SHB: variants seen among roughly 807,000 people sequenced by gnomAD.
SHB encodes SH2 domain containing adaptor protein B.
SHB carries 20 observed loss-of-function variants against 52.3 expected under a neutral mutation model. The ratio of observed to expected loss-of-function variants is 0.38; its 90% CI spans 0.27 to 0.56. SHB has a LOEUF of 0.56. Ranked by LOEUF, SHB falls within the 20% of genes least tolerant of loss-of-function variation. SHB has a pLI of 0.71. For missense variants in SHB, 825 were observed against 723.3 expected, an observed-to-expected ratio of 1.14 and a Z score of -1.61; for synonymous variants, 397 against 316.5, an observed-to-expected ratio of 1.25 and a Z score of -2.70.
At chr9:37,938,004 C>T (rs1832393394) in intron 5 of SHB, among the ~76,000 whole-genome samples, 1 of 152,168 alleles carries the variant, frequency 6.6e-6, no homozygotes, top group Non-Finnish European at 1.5e-5. Context: ...TGGGATTTTA[C>T]CACGTGAAGT....
intron 2 of SHB, among the ~76,000 whole-genome samples, chr9:38,001,200 C>T (rs1821009201): frequency 6.6e-6 from 1 of 152,184 alleles, no homozygotes; most frequent in South Asian, 2.1e-4. Context: ...CTGGCTTGCC[C>T]CTTTCTCCTC....
In SHB at chr9:37,951,032, C is replaced by T. The variant is rs138680875; in HGVS notation, c.1227-2278G>A. ...TCCTCAGAGAAAAACCCAAACCACC[C>T]GTCCCCATGCAATTCCTGCCACTCA... On this transcript the variant is annotated intron_variant, in intron 4 of 5. Coordinates refer to ENST00000377707, the MANE Select transcript of SHB (RefSeq NM_003028.3). Among the ~76,000 whole-genome samples, 29 of 152,304 alleles carry T rather than the reference C, an allele frequency of 1.9e-4. 1 individual carries two copies. In the East Asian group the frequency reaches 3.7e-3, roughly 19 times the overall value.
In SHB at chr9:38,068,598, G is replaced by A. The variant is rs773155236; in HGVS notation, c.48C>T (p.Thr16=). Reference sequence around the variant, plus strand: ...GCCGCGGCGGCTGCGGGGGGCTCTTGGTCTTGCTGTTGCCCAAGCTGAAGT... The same window carrying A: ...GCCGCGGCGGCTGCGGGGGGCTCTTAGTCTTGCTGTTGCCCAAGCTGAAGT... ...NKYFSLGNSK[T]KSPPQPPRPD... Residue 16 remains threonine, a synonymous_variant, in exon 1 of 6, where the codon ACC becomes ACT. Coordinates refer to ENST00000377707, the MANE Select transcript of SHB (RefSeq NM_003028.3). The A allele has an allele frequency of 8.7e-6, 13 of 1,493,590 alleles. No individual in the cohort carries two copies. The Admixed American group carries it at 1.2e-4, about 13-fold the overall frequency. The allele number at this position is 1,493,590 out of a possible 1,614,324, so 92.5% of individuals were successfully genotyped here. A position where few individuals can be genotyped will look rare whatever the true frequency, so the allele number is the denominator to read the frequency against.
chr9:37,923,642 C>T (rs915609205), intron 5 of SHB, among the ~76,000 whole-genome samples: 1 of 152,178 alleles, frequency 6.6e-6, no homozygotes, highest in Non-Finnish European at 1.5e-5. Context: ...TCAGTGACTC[C>T]CACCTTCACA....
intron 1 of SHB, among the ~76,000 whole-genome samples, chr9:38,029,549 T>C (rs1043711905): frequency 1.3e-5 from 2 of 152,068 alleles, no homozygotes; most frequent in Non-Finnish European, 2.9e-5. Context: ...TGAAGTGCAA[T>C]GGCGTGATCT....
intron 1 of SHB, among the ~76,000 whole-genome samples, chr9:38,047,540 C>A (rs1821672486): frequency 6.6e-6 from 1 of 152,252 alleles, no homozygotes; most frequent in South Asian, 2.1e-4. Context: ...GGCTCTGGAA[C>A]TGCAACATTC....
intron 5 of SHB, among the ~76,000 whole-genome samples, chr9:37,923,446 G>A (rs1029443834): frequency 1.3e-5 from 2 of 152,170 alleles, no homozygotes; most frequent in East Asian, 1.9e-4. Flanking sequence ...GGTGGTGACC[G>A]CCCCCCCAGG....
At chr9:37,927,561 C>A (rs1055946051) in intron 5 of SHB, among the ~76,000 whole-genome samples, 4 of 152,054 alleles carry the variant, frequency 2.6e-5, no homozygotes, top group Non-Finnish European at 5.9e-5. Flanking sequence ...CCTCTCCTGG[C>A]GAACATGTAG....
chr9:38,049,154 G>A (rs948710956), intron 1 of SHB, among the ~76,000 whole-genome samples: 1 of 152,180 alleles, frequency 6.6e-6, no homozygotes, highest in South Asian at 2.1e-4. Context: ...CCAATTAACT[G>A]AGACCACAGA....
intron 1 of SHB, among the ~76,000 whole-genome samples, chr9:38,055,865 G>C (rs895789748): frequency 1.3e-5 from 2 of 151,922 alleles, no homozygotes; most frequent in Non-Finnish European, 2.9e-5. Flanking sequence ...CCCAGCCTCC[G>C]GTATCAGAGG....
At position 37,919,337 on chromosome 9, in the gene SHB, G is replaced by A. The variant is rs539490215; in HGVS notation, c.*484C>T. 15 of 160,902 alleles carry A rather than the reference G, an allele frequency of 9.3e-5. No individual in the cohort carries two copies. Among genetic ancestry groups the A allele is most frequent in the South Asian group, 1.8e-4 (1 of 5,658 alleles). 10.0% of individuals were successfully genotyped at this position (160,902 alleles called of 1,614,324 possible). The stretch of plus-strand genomic sequence containing the variant: ...CACAGACACACATATACACACCAGC[G>A]GGGCGGGAACCCCGGGGCCTCCGGG... On this transcript the variant is annotated 3_prime_UTR_variant, in exon 6 of 6. Coordinates refer to ENST00000377707, the MANE Select transcript of SHB (RefSeq NM_003028.3).
At chr9:37,928,269 T>C (rs1340001494) in intron 5 of SHB, among the ~76,000 whole-genome samples, 1 of 152,154 alleles carries the variant, frequency 6.6e-6, no homozygotes, top group Non-Finnish European at 1.5e-5. Flanking sequence ...GACAGGTGGG[T>C]ACACTGGCCA....
At chr9:38,053,612 T>C (rs1471221596) in intron 1 of SHB, among the ~76,000 whole-genome samples, 1 of 151,986 alleles carries the variant, frequency 6.6e-6, no homozygotes, top group African/African-American at 2.4e-5. Flanking sequence ...CTCAAGCTCT[T>C]AGAACAGAGT....
At chr9:37,987,117 G>A (rs7048130) in intron 2 of SHB, among the ~76,000 whole-genome samples, 1 of 152,202 alleles carries the variant, frequency 6.6e-6, no homozygotes, top group Non-Finnish European at 1.5e-5. Flanking sequence ...CTCACAGAGC[G>A]AACCTCAGAG....
At chr9:37,949,229 C>T (rs1041147464) in intron 4 of SHB, among the ~76,000 whole-genome samples, 1 of 151,870 alleles carries the variant, frequency 6.6e-6, no homozygotes, top group Non-Finnish European at 1.5e-5. Flanking sequence ...CCCATCTCTA[C>T]TAAAAATACA....
intron 2 of SHB, among the ~76,000 whole-genome samples, chr9:37,990,139 G>A (rs1305479741): frequency 6.6e-6 from 1 of 152,140 alleles, no homozygotes; most frequent in Non-Finnish European, 1.5e-5. Flanking sequence ...CTCCCCTGGT[G>A]GTCTGTTCCA....
intron 5 of SHB, among the ~76,000 whole-genome samples, chr9:37,940,673 A>T (rs891784903): frequency 3.3e-5 from 5 of 152,214 alleles, no homozygotes; most frequent in Non-Finnish European, 7.3e-5. Context: ...AGCCAGAGGC[A>T]GGCAAGCTTC....
intron 3 of SHB, among the ~76,000 whole-genome samples, chr9:37,960,037 G>A (rs888704501): frequency 1.3e-5 from 2 of 152,114 alleles, no homozygotes; most frequent in Non-Finnish European, 2.9e-5. Flanking sequence ...AACTAGTAAC[G>A]TCCTAGTCAA....
chr9:37,940,238 C>T (rs1428794947), intron 5 of SHB, among the ~76,000 whole-genome samples: 2 of 152,162 alleles, frequency 1.3e-5, no homozygotes, highest in African/African-American at 2.4e-5. Flanking sequence ...TTGAGGGTGG[C>T]GTCCTTGGCA....
Sources: allele counts gnomAD v4.1 joint callset (sites outside exome capture counted in the v4.1 genomes callset), GRCh38; gene constraint gnomAD v4.1.1; transcripts MANE v1.5; gene names NCBI Gene and HGNC (gene_info 2026-07-23, HGNC 2026-07-21).